The following IFT122 variants were observed in gnomAD, a reference collection of about 807,000 sequenced individuals.
The protein encoded by IFT122 is intraflagellar transport 122, also known as intraflagellar transport protein 122 homolog.
In IFT122, 118 loss-of-function variants were observed where a neutral mutation model predicts 161.6. The ratio of observed to expected loss-of-function variants is 0.73; its 90% CI spans 0.63 to 0.85. The LOEUF is 0.85. IFT122 is among the 40% of genes least tolerant of loss of function. The pLI is 0.00. For missense variants in IFT122, 1,381 were observed against 1,579.6 expected (o/e 0.87, Z 2.13); for synonymous variants, 550 against 602.4 (o/e 0.91, Z 1.27).
chr3:129,482,962 A>G (rs2078852877), intron 14 of IFT122, among the ~76,000 whole-genome samples: 2 of 152,132 alleles, frequency 1.3e-5, no homozygotes, highest in Non-Finnish European at 2.9e-5. Flanking sequence ...AGAATCATAC[A>G]AGTGTGGAAG....
chr3:129,457,748 T>G (rs2075697926), intron 3 of IFT122, among the ~76,000 whole-genome samples: 1 of 149,120 alleles, frequency 6.7e-6, no homozygotes, highest in Non-Finnish European at 1.5e-5. Context: ...TTTTTTTTTT[T>G]TTTTTGAGAT....
chr3:129,472,704 T>G (rs1475157018), intron 9 of IFT122, among the ~76,000 whole-genome samples: 1 of 150,804 alleles, frequency 6.6e-6, no homozygotes, highest in East Asian at 2.1e-4. Context: ...GAACTCTAAT[T>G]ACACTTACAT....
chr3:129,464,930 T>A, intron 7 of IFT122, 149 bp downstream of exon 7: 1 of 861,354 alleles, frequency 1.2e-6, no homozygotes, highest in Non-Finnish European at 1.8e-6. Context: ...ATTTTTTTTT[T>A]AATAGTCCCG....
chr3:129,504,202 C>A, intron 20 of IFT122, 117 bp from the exon 21 acceptor site: 4 of 845,664 alleles, frequency 4.7e-6, no homozygotes, highest in Admixed American at 1.9e-5. Flanking sequence ...GCACTCTCCC[C>A]CTCTGAGTTG....
In IFT122 at chr3:129,458,580, ATTT is replaced by A; in HGVS notation, c.194-17_194-15del. 5 of 1,608,854 alleles carry A rather than the reference ATTT, an allele frequency of 3.1e-6. No individual in the cohort carries two copies. The highest frequency in any genetic ancestry group is 4.3e-6 in the Non-Finnish European group (5 of 1,175,164). On this transcript the variant is annotated splice_polypyrimidine_tract_variant and intron_variant, in intron 3 of 29. Transcript: ENST00000348417. Reference sequence around the variant, plus strand: ...GTTTAAGATAAATGTAAGACTTTCCATTTTACAAACACTTTTAGGCAAGCGCTT... The same window carrying A: ...GTTTAAGATAAATGTAAGACTTTCCATACAAACACTTTTAGGCAAGCGCTT...
chr3:129,477,850 G>C (rs1363825907), intron 11 of IFT122, among the ~76,000 whole-genome samples, 166 bp from the exon 12 acceptor site: 1 of 152,132 alleles, frequency 6.6e-6, no homozygotes, highest in Non-Finnish European at 1.5e-5. Flanking sequence ...TGGATCCCAG[G>C]GTTCAGCAGA....
In IFT122 at chr3:129,495,345, G is replaced by C. The variant is rs1221841033; in HGVS notation, c.2047-101G>C. The C allele has an allele frequency of 5.3e-6, 8 of 1,509,430 alleles. No individual in the cohort carries two copies. The South Asian group carries it at 9.9e-5, about 19-fold the overall frequency. The allele number at this position is 1,509,430 out of a possible 1,614,324, so 93.5% of individuals were successfully genotyped here. On this transcript the variant is annotated intron_variant, in intron 17 of 29. Transcript: ENST00000348417. ...AGCCAAGCCCAGGTTCCAGTAGGAA[G>C]GCCCAGGGGCCTCACTTGAAATAGC...
In IFT122 at chr3:129,476,473, G is replaced by A. The variant is rs1203416139; in HGVS notation, c.975G>A (p.Trp325Ter). 1 of 1,614,020 alleles carries A rather than the reference G, an allele frequency of 6.2e-7. No individual in the cohort carries two copies. Among genetic ancestry groups the A allele is most frequent in the Non-Finnish European group, 8.5e-7 (1 of 1,180,040 alleles). The change falls in exon 10 of 30, where the codon TGG becomes TGA. Residue 325 changes from tryptophan to a stop codon, truncating the protein, a stop_gained. Transcript: ENST00000348417. LOFTEE classifies it high-confidence loss of function. ...GTVGEQNSWV[W>*]TCQAKPDSNY... ...TTGGGGAGCAGAACTCCTGGGTGTG[G>A]ACGTGTCAAGCGAAACCGGATTCCA...
At chr3:129,482,253 G>A (rs1255643694) in intron 14 of IFT122, among the ~76,000 whole-genome samples, 1 of 152,250 alleles carries the variant, frequency 6.6e-6, no homozygotes, top group Non-Finnish European at 1.5e-5. Flanking sequence ...GCGTTGTTCA[G>A]TGGAGTCATC....
rs920554376 is a variant in IFT122, at chr3:129,520,475, A to G, written c.*210A>G. 2 of 617,388 alleles carry G rather than the reference A, an allele frequency of 3.2e-6. No homozygotes were observed. Among genetic ancestry groups the G allele is most frequent in the Non-Finnish European group, 5.8e-6 (2 of 344,262 alleles). The allele number at this position is 617,388 out of a possible 1,614,324, so 38.2% of individuals were successfully genotyped here. Reference sequence around the variant, plus strand: ...AGGAGATGAGGAAGAGAATGTACATATATTTTCTAAGGAAAAAAATCTGTT... The same window carrying G: ...AGGAGATGAGGAAGAGAATGTACATGTATTTTCTAAGGAAAAAAATCTGTT... On this transcript the variant is annotated 3_prime_UTR_variant, in exon 30 of 30. Transcript: ENST00000348417.
chr3:129,463,699 A>C, intron 6 of IFT122, 73 bp downstream of exon 6: 7 of 1,274,546 alleles, frequency 5.5e-6, no homozygotes, highest in Non-Finnish European at 8.0e-6. Flanking sequence ...CAATTATTTC[A>C]TGCAGCAGAG....
intron 6 of IFT122, among the ~76,000 whole-genome samples, chr3:129,464,230 C>T (rs748434200): frequency 3.9e-5 from 6 of 152,180 alleles, no homozygotes; most frequent in Non-Finnish European, 7.3e-5. Flanking sequence ...ATCTGTTGAG[C>T]ACCTTCTACA....
At chr3:129,456,218 C>G in intron 3 of IFT122, 1 of 1,286,104 alleles carries the variant, frequency 7.8e-7, no homozygotes, top group Non-Finnish European at 1.0e-6. Context: ...TGCTTTTCAT[C>G]ACCATCACCT....
In IFT122 at chr3:129,507,834, G is replaced by A. The variant is rs903884833; in HGVS notation, c.2886+72G>A. On this transcript the variant is annotated intron_variant, in intron 23 of 29. Transcript: ENST00000348417. ...TAGGGGTCCCGGGCATATCTAAAGA[G>A]CAGCAGACTGGATGGAATGTAACCC... 4.5e-6 allele frequency: 5 copies of A among 1,111,426 alleles called. No individual in the cohort carries two copies. The African/African-American group carries it at 6.1e-5, about 14-fold the overall frequency. The allele number at this position is 1,111,426 out of a possible 1,614,324, so 68.8% of individuals were successfully genotyped here. A position where few individuals can be genotyped will look rare whatever the true frequency, so the allele number is the denominator to read the frequency against.
intron 7 of IFT122, among the ~76,000 whole-genome samples, chr3:129,466,549 T>C (rs1577437825): frequency 6.9e-6 from 1 of 145,932 alleles, no homozygotes; most frequent in African/African-American, 2.6e-5. Flanking sequence ...TCACCCAGGC[T>C]GCAGTGCAGT....
chr3:129,454,295 G>C lies in IFT122; in HGVS notation c.193+2297G>C, dbSNP rs930262891. Among the ~76,000 whole-genome samples, 54 of 151,928 alleles carry C rather than the reference G, an allele frequency of 3.6e-4. 1 individual carries two copies. Among genetic ancestry groups the C allele is most frequent in the African/African-American group, 1.3e-3 (54 of 41,428 alleles). The stretch of plus-strand genomic sequence containing the variant: ...AAATCCTAAAGCTCTGGGAGCCTGA[G>C]TTGGGAAGATTGCTTAAGGCAGGAG... On this transcript the variant is annotated intron_variant, in intron 3 of 29. Coordinates refer to ENST00000348417, the MANE Select transcript of IFT122 (RefSeq NM_052989.3).
chr3:129,442,426 T>C (rs1425896682), intron 1 of IFT122, among the ~76,000 whole-genome samples: 59 of 152,084 alleles, frequency 3.9e-4, no homozygotes. Context: ...GAATGAATGA[T>C]GAATAAAGAT....
At chr3:129,441,314 A>G (rs1290727664) in intron 1 of IFT122, among the ~76,000 whole-genome samples, 1 of 152,172 alleles carries the variant, frequency 6.6e-6, no homozygotes, top group Non-Finnish European at 1.5e-5. Flanking sequence ...TCTCACACGG[A>G]AATCCTGAAC....
chr3:129,456,598 C>T (rs927235461), intron 3 of IFT122, among the ~76,000 whole-genome samples: 4 of 152,012 alleles, frequency 2.6e-5, no homozygotes, highest in South Asian at 4.2e-4. Flanking sequence ...GATTATGCCA[C>T]TGCTCTCTGG....
Sources: allele counts gnomAD v4.1 joint callset (sites outside exome capture counted in the v4.1 genomes callset), GRCh38; gene constraint gnomAD v4.1.1; transcripts MANE v1.5; gene names NCBI Gene and HGNC (gene_info 2026-07-23, HGNC 2026-07-21).